FAM240B: variants seen among roughly 807,000 people sequenced by gnomAD.
FAM240B encodes the protein family with sequence similarity 240 member B.
chr9:38,708,728 A>C (rs1821220050), intron 1 of FAM240B, among the ~76,000 whole-genome samples: 2 of 152,144 alleles, frequency 1.3e-5, no homozygotes, highest in Admixed American at 1.3e-4. Flanking sequence ...GGGGACTCAC[A>C]ATGCATCTCC....
At chr9:38,699,416 C>G (rs566570173) in intron 2 of FAM240B, among the ~76,000 whole-genome samples, 1 of 152,296 alleles carries the variant, frequency 6.6e-6, no homozygotes, top group Admixed American at 6.5e-5. Context: ...AGGGAGGAAA[C>G]TGAAGCAGTC....
rs1337742542 is a variant in FAM240B, at chr9:38,717,790, CAA to C, written c.-4+2230_-4+2231del. Among the ~76,000 whole-genome samples, 4 of 152,222 alleles carry C rather than the reference CAA, an allele frequency of 2.6e-5. No homozygotes were observed. The East Asian group carries it at 7.8e-4, about 30-fold the overall frequency. ...AGCCACTGCTCCCGGCCAAGAGTTA[CAA>C]AGTTTTACACTGTTAGCAAAGATGC... is the stretch of plus-strand genomic sequence containing the variant. On this transcript the variant is annotated intron_variant, in intron 1 of 2. Transcript: ENST00000637493.
At chr9:38,715,917 G>T (rs1821299212) in intron 1 of FAM240B, among the ~76,000 whole-genome samples, 1 of 152,102 alleles carries the variant, frequency 6.6e-6, no homozygotes, top group Non-Finnish European at 1.5e-5. Flanking sequence ...CCCCTCCCCG[G>T]TTACTGTTAA....
chr9:38,699,567 T>C (rs1032897472), intron 2 of FAM240B, among the ~76,000 whole-genome samples: 6 of 152,162 alleles, frequency 3.9e-5, no homozygotes, highest in African/African-American at 1.4e-4. Context: ...CCTGAGCAAA[T>C]GCTGCCCACA....
intron 1 of FAM240B, among the ~76,000 whole-genome samples, chr9:38,714,202 A>G (rs1821285733): frequency 6.6e-6 from 1 of 152,240 alleles, no homozygotes; most frequent in Non-Finnish European, 1.5e-5. Context: ...TGGAGGAGAA[A>G]AAACAACTAT....
At chr9:38,715,959 G>A (rs1821299527) in intron 1 of FAM240B, among the ~76,000 whole-genome samples, 1 of 152,188 alleles carries the variant, frequency 6.6e-6, no homozygotes, top group African/African-American at 2.4e-5. Context: ...CAACCAGGCT[G>A]TTCAATTTGA....
chr9:38,702,967 G>A (rs1326501592), intron 2 of FAM240B, among the ~76,000 whole-genome samples: 1 of 152,134 alleles, frequency 6.6e-6, no homozygotes, highest in African/African-American at 2.4e-5. Flanking sequence ...TAAGTCATTG[G>A]TTCTCAATCG....
intron 1 of FAM240B, among the ~76,000 whole-genome samples, chr9:38,718,675 T>C (rs1313384174): frequency 6.6e-6 from 1 of 152,136 alleles, no homozygotes; most frequent in Admixed American, 6.5e-5. Context: ...ATAATTATAA[T>C]TTAAATAAAC....
At chr9:38,700,445 C>G (rs1050243509) in intron 2 of FAM240B, among the ~76,000 whole-genome samples, 1 of 152,084 alleles carries the variant, frequency 6.6e-6, no homozygotes, top group East Asian at 1.9e-4. Context: ...ACTTCTTGCC[C>G]GAAAACATTA....
intron 2 of FAM240B, among the ~76,000 whole-genome samples, chr9:38,698,051 G>A (rs1821086788): frequency 6.6e-6 from 1 of 152,210 alleles, no homozygotes; most frequent in Non-Finnish European, 1.5e-5. Context: ...TCACACTACA[G>A]TGGCACAGCT....
intron 2 of FAM240B, among the ~76,000 whole-genome samples, chr9:38,695,259 A>G (rs1396354739): frequency 6.6e-6 from 1 of 152,216 alleles, no homozygotes; most frequent in African/African-American, 2.4e-5. Context: ...CGGCTCACGC[A>G]TGTAATCCCA....
At chr9:38,715,896 A>T (rs1821298888) in intron 1 of FAM240B, among the ~76,000 whole-genome samples, 1 of 152,216 alleles carries the variant, frequency 6.6e-6, no homozygotes, top group African/African-American at 2.4e-5. Flanking sequence ...AAGCAATTAG[A>T]GAAAGCACCA....
At chr9:38,702,852 A>G (rs1398192361) in intron 2 of FAM240B, among the ~76,000 whole-genome samples, 1 of 152,180 alleles carries the variant, frequency 6.6e-6, no homozygotes, top group East Asian at 1.9e-4. Context: ...CACATGTGCT[A>G]AAGATTGTAA....
At chr9:38,695,630 C>G (rs1471198870) in intron 2 of FAM240B, among the ~76,000 whole-genome samples, 1 of 152,162 alleles carries the variant, frequency 6.6e-6, no homozygotes, top group Non-Finnish European at 1.5e-5. Context: ...CAAATGTAAT[C>G]CTTCCCAAAT....
intron 2 of FAM240B, among the ~76,000 whole-genome samples, chr9:38,700,920 T>C (rs965692288): frequency 6.6e-6 from 1 of 152,214 alleles, no homozygotes; most frequent in Non-Finnish European, 1.5e-5. Context: ...AGGTGTGTGC[T>C]TAACACACTT....
At chr9:38,700,117 A>T (rs1314654022) in intron 2 of FAM240B, among the ~76,000 whole-genome samples, 2 of 152,232 alleles carry the variant, frequency 1.3e-5, no homozygotes, top group Non-Finnish European at 2.9e-5. Flanking sequence ...TGACCAACTC[A>T]GTTTACCAGC....
chr9:38,705,709 G>C (rs1345324041), intron 1 of FAM240B, among the ~76,000 whole-genome samples: 3 of 152,088 alleles, frequency 2.0e-5, no homozygotes, highest in Non-Finnish European at 4.4e-5. Flanking sequence ...AGAATATGAT[G>C]CTCTCATCAG....
At chr9:38,706,748 C>T (rs371261642) in intron 1 of FAM240B, among the ~76,000 whole-genome samples, 22 of 152,220 alleles carry the variant, frequency 1.4e-4, no homozygotes, top group African/African-American at 5.3e-4. Context: ...CCCGAGCACA[C>T]GCTCCTGTCT....
At chr9:38,703,147 C>T (rs935233659) in intron 2 of FAM240B, among the ~76,000 whole-genome samples, 35 of 152,272 alleles carry the variant, frequency 2.3e-4, no homozygotes, top group African/African-American at 8.4e-4. Context: ...GGTGGAAAAA[C>T]CCTGGTATAC....
Sources: gnomAD v4.1 joint callset for allele counts (sites outside exome capture counted in the v4.1 genomes callset) on GRCh38, gnomAD v4.1.1 for gene constraint, MANE v1.5 for transcripts, NCBI Gene and HGNC (gene_info 2026-07-23, HGNC 2026-07-21) for gene names.